TENM4: variants seen among roughly 807,000 people sequenced by gnomAD.
The protein encoded by TENM4 is teneurin-4.
A neutral mutation model predicts 243.3 loss-of-function variants in TENM4; 82 were observed. The ratio of observed to expected loss-of-function variants is 0.34; its 90% CI spans 0.28 to 0.40. The LOEUF is 0.40. Ranked by LOEUF, TENM4 falls within the 10% of genes least tolerant of loss-of-function variation. The pLI is 1.00. For missense variants in TENM4, 3,138 were observed against 3,673.3 expected, an observed-to-expected ratio of 0.85 and a Z score of 3.77; for synonymous variants, 1,412 against 1,456.3, an observed-to-expected ratio of 0.97 and a Z score of 0.69.
intron 6 of TENM4, among the ~76,000 whole-genome samples, chr11:79,012,876 C>T (rs1422476691): frequency 6.6e-6 from 1 of 152,168 alleles, no homozygotes; most frequent in African/African-American, 2.4e-5. Context: ...TGTGATTGTT[C>T]TCATCCAAGA....
At chr11:78,873,009 A>G (rs944158385) in intron 9 of TENM4, among the ~76,000 whole-genome samples, 1 of 152,232 alleles carries the variant, frequency 6.6e-6, no homozygotes, top group Admixed American at 6.5e-5. Flanking sequence ...AACTTGGGAT[A>G]ATATTTCTTT....
At chr11:79,050,987 G>A (rs1859777253) in intron 6 of TENM4, among the ~76,000 whole-genome samples, 1 of 152,218 alleles carries the variant, frequency 6.6e-6, no homozygotes, top group Non-Finnish European at 1.5e-5. Context: ...GTGCATGCGT[G>A]TGGAGTCAGA....
At chr11:78,747,642 A>C (rs929591068) in intron 19 of TENM4, among the ~76,000 whole-genome samples, 1 of 152,188 alleles carries the variant, frequency 6.6e-6, no homozygotes, top group Non-Finnish European at 1.5e-5. Context: ...CTCCCTGTCA[A>C]GCCCCTCACT....
Position 78,668,526 on chromosome 11 carries a change from G to T in TENM4, c.7408+411C>A, listed in dbSNP as rs186486169. 7.0e-4 allele frequency among the ~76,000 whole-genome samples: 107 copies of T among 152,192 alleles called. 2 individuals are homozygous for T. In the East Asian group the frequency reaches 9.9e-3, roughly 14 times the overall value. ...CCAATCAAGGACTCATTAGCAGTTT[G>T]ATTTGTGTGTCAGAAACTCCTAAAG... On this transcript the variant is annotated intron_variant, in intron 32 of 33. Coordinates refer to ENST00000278550, the MANE Select transcript of TENM4 (RefSeq NM_001098816.3).
intron 1 of TENM4, among the ~76,000 whole-genome samples, chr11:79,332,570 A>G (rs1245373973): frequency 1.3e-5 from 2 of 152,020 alleles, no homozygotes; most frequent in African/African-American, 4.8e-5. Context: ...GCAGTTTGCA[A>G]GCTCTGCTCT....
chr11:79,122,315 T>G (rs1250641324), intron 4 of TENM4, among the ~76,000 whole-genome samples: 1 of 152,178 alleles, frequency 6.6e-6, no homozygotes, highest in Non-Finnish European at 1.5e-5. Context: ...TGTCGGGCAC[T>G]GTTACTAAGA....
Position 79,060,213 on chromosome 11 carries a change from G to A in TENM4, c.493+4525C>T, listed in dbSNP as rs532828951. On this transcript the variant is annotated intron_variant, in intron 6 of 33. Coordinates refer to ENST00000278550, the MANE Select transcript of TENM4 (RefSeq NM_001098816.3). ...CTGCCTCCCGACCCCCAGCCTGTTG[G>A]CCTCTCACGGCAGGGGAGGAGAGGC... 2.3e-3 allele frequency among the ~76,000 whole-genome samples: 347 copies of A among 152,352 alleles called. 1 individual carries two copies. The highest frequency in any genetic ancestry group is 5.7e-3 in the African/African-American group (237 of 41,586).
At chr11:79,062,937 C>T (rs1362752268) in intron 6 of TENM4, among the ~76,000 whole-genome samples, 1 of 152,016 alleles carries the variant, frequency 6.6e-6, no homozygotes, top group Admixed American at 6.5e-5. Context: ...TGGTTTCCCA[C>T]CAGAGAGAGG....
chr11:79,064,667 A>G (rs1227376202), intron 6 of TENM4, 71 bp downstream of exon 6: 2 of 1,529,024 alleles, frequency 1.3e-6, no homozygotes, highest in Non-Finnish European at 1.8e-6. Flanking sequence ...GTGGAGCAGG[A>G]AATCAATATT....
Position 78,889,817 on chromosome 11 carries a change from G to T in TENM4, c.1052C>A (p.Ala351Asp). 6.4e-7 allele frequency: 1 copy of T among 1,551,990 alleles called. No homozygotes were observed. The highest frequency in any genetic ancestry group is 8.7e-7 in the Non-Finnish European group (1 of 1,147,048). Residue 351 changes from alanine to aspartate, a missense_variant, in exon 9 of 34, where the codon GCC (alanine) becomes GAC (aspartate). By Grantham distance (126) the Ala-to-Asp change is moderately radical. Transcript: ENST00000278550. ...CAALSAIVIS[A>D]TLVILLAYFV... ...GTATGCCAGCAGGATGACCAGAGTG[G>T]CTGAGATGACGATGGCGCTCAGGGC...
At chr11:79,404,872 G>A (rs145265103) in intron 1 of TENM4, among the ~76,000 whole-genome samples, 35 of 152,170 alleles carry the variant, frequency 2.3e-4, no homozygotes, top group African/African-American at 5.5e-4. Context: ...AGACAGCGGG[G>A]GGTGGGGGAA....
chr11:78,968,041 G>C (rs1171130084), intron 6 of TENM4, among the ~76,000 whole-genome samples: 4 of 152,208 alleles, frequency 2.6e-5, no homozygotes, highest in African/African-American at 9.6e-5. Flanking sequence ...GAATGACGTG[G>C]TGCCCTCCCC....
At chr11:79,191,989 T>G (rs1863514025) in intron 3 of TENM4, among the ~76,000 whole-genome samples, 2 of 142,508 alleles carry the variant, frequency 1.4e-5, no homozygotes, top group African/African-American at 2.7e-5. Context: ...GTCGGGGAGG[T>G]GAGGGGCGCC....
Position 78,903,512 on chromosome 11 carries a change from C to T in TENM4, c.505G>A (p.Gly169Ser), listed in dbSNP as rs745630345. The change falls in exon 7 of 34, where the codon GGC (glycine) becomes AGC (serine). Residue 169 changes from glycine to serine, a missense_variant. Transcript: ENST00000278550. ...HENTETDHPG[G>S]LQNHARLRTP... The stretch of plus-strand genomic sequence containing the variant: ...CGGAGCCGCGCGTGGTTCTGCAGGC[C>T]GCCCGGATGATCTAGGGCACAAACA... 36 of 1,546,762 alleles carry T rather than the reference C, an allele frequency of 2.3e-5. No individual in the cohort carries two copies. The African/African-American group carries it at 4.2e-4, about 18-fold the overall frequency.
At chr11:79,202,458 T>C (rs1256429280) in intron 3 of TENM4, among the ~76,000 whole-genome samples, 1 of 152,204 alleles carries the variant, frequency 6.6e-6, no homozygotes, top group African/African-American at 2.4e-5. Context: ...AAAATTTGGC[T>C]CCTGCCAAAG....
At chr11:79,396,034 T>C (rs1858336990) in intron 1 of TENM4, among the ~76,000 whole-genome samples, 1 of 152,110 alleles carries the variant, frequency 6.6e-6, no homozygotes, top group Non-Finnish European at 1.5e-5. Context: ...AAACATCAAG[T>C]CCTCATGCAT....
intron 27 of TENM4, among the ~76,000 whole-genome samples, chr11:78,703,232 T>C (rs1859151858): frequency 6.6e-6 from 1 of 152,126 alleles, no homozygotes; most frequent in South Asian, 2.1e-4. Context: ...CCTTGCTCCT[T>C]ATGTGTGGTC....
chr11:79,406,364 G>T (rs190643630), intron 1 of TENM4, among the ~76,000 whole-genome samples: 193 of 152,230 alleles, frequency 1.3e-3, no homozygotes, highest in Non-Finnish European at 2.3e-3. Flanking sequence ...AAACAAAAAG[G>T]TTAAAAAATG....
At chr11:79,279,313 C>T (rs1026608585) in intron 2 of TENM4, among the ~76,000 whole-genome samples, 1 of 152,142 alleles carries the variant, frequency 6.6e-6, no homozygotes, top group Non-Finnish European at 1.5e-5. Context: ...CCTTTGGGAG[C>T]TTACAATCTT....
Sources: allele counts gnomAD v4.1 joint callset (sites outside exome capture counted in the v4.1 genomes callset), GRCh38; gene constraint gnomAD v4.1.1; transcripts MANE v1.5; gene names NCBI Gene and HGNC (gene_info 2026-07-23, HGNC 2026-07-21).